Variants in NSUN7 observed in about 807,000 individuals in gnomAD.
The protein encoded by NSUN7 is NOP2/Sun RNA methyltransferase family member 7.
A neutral mutation model predicts 58.5 loss-of-function variants in NSUN7; 39 were observed. The ratio of observed to expected loss-of-function variants is 0.67; its 90% CI spans 0.52 to 0.87. The LOEUF (loss-of-function observed/expected upper bound fraction) is 0.87. Among genes scored for constraint, NSUN7 ranks in the 40% least tolerant of loss-of-function variants. The pLI, the probability that NSUN7 is intolerant of heterozygous loss-of-function variation, is 0.00. For missense variants in NSUN7, 765 were observed against 844.1 expected (o/e 0.91, Z 1.16); for synonymous variants, 278 against 303.7 (o/e 0.92, Z 0.88).
Position 40,810,485 on chromosome 4 carries a change from C to T in NSUN7, c.*1546C>T, listed in dbSNP as rs1457148723. The T allele has an allele frequency of 2.1e-5, 3 of 145,134 alleles. 1 individual carries two copies. The highest frequency in any genetic ancestry group is 4.3e-4 in the South Asian group (2 of 4,620). 9.0% of individuals were successfully genotyped at this position (145,134 alleles called of 1,614,324 possible). A position where few individuals can be genotyped will look rare whatever the true frequency, so the allele number is the denominator to read the frequency against. On this transcript the variant is annotated 3_prime_UTR_variant, in exon 12 of 12. Transcript: ENST00000381782. Reference sequence around the variant, plus strand: ...CCCAGCTACTTAGGAGGCTGAGGTACGAGGATCTCTTGAGTCCAGGAGGTG... The same window carrying T: ...CCCAGCTACTTAGGAGGCTGAGGTATGAGGATCTCTTGAGTCCAGGAGGTG...
chr4:40,808,138 G>T lies in NSUN7; in HGVS notation c.1525-169G>T, dbSNP rs1035764233. On this transcript the variant is annotated intron_variant, in intron 11 of 11. Coordinates refer to ENST00000381782, the MANE Select transcript of NSUN7 (RefSeq NM_024677.6). ...TTTTTTTGTTTGTTTTTTTAAAAAG[G>T]CATTCGCTGAGGCTTATGAGATTGG... The T allele has an allele frequency of 1.4e-5, 8 of 562,602 alleles. No homozygotes were observed. The African/African-American group carries it at 1.6e-4, about 11-fold the overall frequency. 34.9% of individuals were successfully genotyped at this position (562,602 alleles called of 1,614,324 possible).
Position 40,750,869 on chromosome 4 carries a change from T to C in NSUN7, c.176T>C (p.Ile59Thr), listed in dbSNP as rs148130850. The C allele has an allele frequency of 3.7e-6, 6 of 1,614,054 alleles. No homozygotes were observed. Among genetic ancestry groups the C allele is most frequent in the Non-Finnish European group, 5.1e-6 (6 of 1,180,042 alleles). The change falls in exon 2 of 12, where the codon ATC becomes ACC. Residue 59 changes from isoleucine to threonine, a missense_variant. Transcript: ENST00000381782. ...GCCAACATTTTTCAGGGTATTCGAA[T>C]CGAAAAGTCGGCACAGAAAGTCTTA... ...MAANIFQGIR[I>T]EKSAQKVLIK...
chr4:40,760,316 G>T (rs1000120602), intron 2 of NSUN7, 118 bp from the exon 3 acceptor site: 3 of 723,252 alleles, frequency 4.1e-6, no homozygotes, highest in Non-Finnish European at 7.1e-6. Context: ...CAGAATTGAG[G>T]TATATTTTAG....
chr4:40,763,211 A>G (rs1250742063), intron 4 of NSUN7, among the ~76,000 whole-genome samples: 1 of 152,218 alleles, frequency 6.6e-6, no homozygotes, highest in East Asian at 1.9e-4. Context: ...GAACATAGTC[A>G]TATCTCATGT....
At chr4:40,779,779 C>T (rs1224677819) in intron 7 of NSUN7, among the ~76,000 whole-genome samples, 1 of 152,104 alleles carries the variant, frequency 6.6e-6, no homozygotes, top group Non-Finnish European at 1.5e-5. Flanking sequence ...AAATTACAAC[C>T]ATGACATATA....
At chr4:40,793,872 G>A (rs934447967) in intron 8 of NSUN7, among the ~76,000 whole-genome samples, 5 of 152,102 alleles carry the variant, frequency 3.3e-5, no homozygotes, top group African/African-American at 4.8e-5. Context: ...ATTAAAAAAT[G>A]TAAGACATTA....
At chr4:40,779,018 A>G (rs1259957003) in intron 7 of NSUN7, among the ~76,000 whole-genome samples, 1 of 152,176 alleles carries the variant, frequency 6.6e-6, no homozygotes, top group Non-Finnish European at 1.5e-5. Flanking sequence ...AATACTAAAG[A>G]TACATGGTTT....
chr4:40,795,746 G>A (rs1432718289), intron 9 of NSUN7, among the ~76,000 whole-genome samples: 1 of 152,154 alleles, frequency 6.6e-6, no homozygotes, highest in Non-Finnish European at 1.5e-5. Flanking sequence ...TTAAAAGCCC[G>A]ATTTGAAGTC....
At chr4:40,755,751 C>T (rs1202792319) in intron 2 of NSUN7, among the ~76,000 whole-genome samples, 1 of 152,188 alleles carries the variant, frequency 6.6e-6, no homozygotes, top group East Asian at 1.9e-4. Context: ...CTGTTATACT[C>T]ATGGTTATAG....
intron 4 of NSUN7, among the ~76,000 whole-genome samples, chr4:40,761,689 A>G (rs1741471054): frequency 6.6e-6 from 1 of 152,244 alleles, no homozygotes; most frequent in East Asian, 1.9e-4. Flanking sequence ...GTAGACAAGA[A>G]TCAACTATTT....
intron 4 of NSUN7, among the ~76,000 whole-genome samples, chr4:40,773,924 G>A (rs532789931): frequency 2.2e-4 from 34 of 151,924 alleles, no homozygotes; most frequent in African/African-American, 7.5e-4. Flanking sequence ...TCAACCTCCC[G>A]AGTAGCTGGG....
chr4:40,753,198 T>C (rs1164562152), intron 2 of NSUN7, among the ~76,000 whole-genome samples: 2 of 152,110 alleles, frequency 1.3e-5, no homozygotes, highest in Admixed American at 6.6e-5. Context: ...TGTATTACAG[T>C]GATATGTGTG....
At chr4:40,760,741 A>G (rs1741414632) in intron 3 of NSUN7, among the ~76,000 whole-genome samples, 2 of 151,892 alleles carry the variant, frequency 1.3e-5, no homozygotes, top group South Asian at 2.1e-4. Context: ...CATGCCTGTA[A>G]TCCCAGCTAC....
chr4:40,775,261 G>A lies in NSUN7; in HGVS notation c.825+311G>A, dbSNP rs1212118202. ...AGGAGAATTCAAGAGAAAGTACAAT[G>A]AGACCTTTTCTTCCTTCCCTTTCTG... On this transcript the variant is annotated intron_variant, in intron 6 of 11. Coordinates refer to ENST00000381782, the MANE Select transcript of NSUN7 (RefSeq NM_024677.6). The surrounding 1 kb of genome is among the most constrained non-coding windows in gnomAD (Gnocchi z 4.3). 6.0e-6 allele frequency: 1 copy of A among 166,168 alleles called. No homozygotes were observed. Among genetic ancestry groups the A allele is most frequent in the Non-Finnish European group, 1.3e-5 (1 of 77,814 alleles). 10.3% of individuals were successfully genotyped at this position (166,168 alleles called of 1,614,324 possible).
chr4:40,751,028 A>C, intron 2 of NSUN7, 37 bp downstream of exon 2: 1 of 1,597,312 alleles, frequency 6.3e-7, no homozygotes. Flanking sequence ...ACACTAAAAG[A>C]AAATAATAGC....
chr4:40,790,784 C>A, intron 8 of NSUN7, 39 bp downstream of exon 8: 2 of 1,413,464 alleles, frequency 1.4e-6, no homozygotes, highest in Non-Finnish European at 1.9e-6. Flanking sequence ...AATTAGTTGA[C>A]AGTTTAAAAT....
At chr4:40,796,211 G>A (rs2465556) in intron 9 of NSUN7, among the ~76,000 whole-genome samples, 79,939 of 152,014 alleles carry the variant, frequency 0.53, 21,448 homozygotes, top group Admixed American at 0.61. Context: ...AAAATTAGCC[G>A]GGCGTGTTGG....
intron 1 of NSUN7, 39 bp from the exon 2 acceptor site, chr4:40,750,564 G>A: frequency 8.9e-7 from 1 of 1,119,558 alleles, no homozygotes. Flanking sequence ...GGGTGCTGCA[G>A]AAAGAGTGAT....
At chr4:40,803,529 G>A (rs922435503) in intron 10 of NSUN7, among the ~76,000 whole-genome samples, 2 of 152,114 alleles carry the variant, frequency 1.3e-5, no homozygotes, top group Non-Finnish European at 1.5e-5. Flanking sequence ...GCATTTCTCT[G>A]ATGGCCAGTG....
Sources: gnomAD v4.1 joint callset for allele counts (sites outside exome capture counted in the v4.1 genomes callset) on GRCh38, gnomAD v4.1.1 for gene constraint, Gnocchi (gnomAD v3.1) non-coding constraint, MANE v1.5 for transcripts, NCBI Gene and HGNC (gene_info 2026-07-23, HGNC 2026-07-21) for gene names.